The following USP20 variants were observed in gnomAD, a reference collection of about 807,000 sequenced individuals.
USP20 encodes the protein ubiquitin specific peptidase 20.
USP20 carries 80 observed loss-of-function variants against 124.2 expected under a neutral mutation model. That is an observed-to-expected ratio of 0.64 (90% CI 0.54 to 0.78). The LOEUF (loss-of-function observed/expected upper bound fraction) is 0.78, where lower values mean the gene tolerates loss of function less well. Among genes scored for constraint, USP20 ranks in the 30% least tolerant of loss-of-function variants. USP20 has a pLI of 0.00. For synonymous variants in USP20, 481 were observed against 512.3 expected (o/e 0.94, Z 0.83); for missense variants, 1,043 against 1,244.4 (o/e 0.84, Z 2.44).
intron 10 of USP20, among the ~76,000 whole-genome samples, chr9:129,867,500 G>T (rs185275989): frequency 1.7e-3 from 261 of 152,272 alleles, no homozygotes; most frequent in Middle Eastern, 6.8e-3. Context: ...CAGAGGAAGG[G>T]TAGAGCATGC....
chr9:129,862,422 A>T (rs2033595058), intron 8 of USP20, among the ~76,000 whole-genome samples: 1 of 152,114 alleles, frequency 6.6e-6, no homozygotes, highest in Admixed American at 6.5e-5. Flanking sequence ...ACGTGGTGGC[A>T]CGCACCTGTA....
intron 12 of USP20, 129 bp from the exon 13 acceptor site, chr9:129,869,181 G>A: frequency 2.3e-6 from 3 of 1,316,070 alleles, no homozygotes; most frequent in Admixed American, 3.9e-5. Context: ...GGCATGAGAT[G>A]GTGAATTGCT....
chr9:129,856,557 T>C (rs2033228809), intron 4 of USP20, among the ~76,000 whole-genome samples, 197 bp downstream of exon 4: 1 of 152,214 alleles, frequency 6.6e-6, no homozygotes, highest in Admixed American at 6.5e-5. Context: ...CTGGCAGCAA[T>C]TAAAAATGAC....
chr9:129,868,097 G>A lies in USP20; in HGVS notation c.783G>A (p.Arg261=). Residue 261 remains arginine (R), a synonymous_variant, in exon 11 of 26, where the codon CGG becomes CGA. Coordinates refer to ENST00000372429, the MANE Select transcript of USP20 (RefSeq NM_001110303.4). ...VVATVALTEA[R]DSDSSDTDEK... is the part of the protein sequence containing the mutation. ...CCACGGTGGCGCTGACGGAGGCTCG[G>A]GACTCAGATTCGAGTGACACGGATG... is the stretch of plus-strand genomic sequence containing the variant. The A allele has an allele frequency of 6.2e-7, 1 of 1,614,124 alleles. No individual in the cohort carries two copies. Among genetic ancestry groups the A allele is most frequent in the African/African-American group, 1.3e-5 (1 of 75,030 alleles).
In USP20 at chr9:129,839,509, C is replaced by CT. The variant is rs1267361614; in HGVS notation, c.-129+4011dup. On this transcript the variant is annotated intron_variant, in intron 1 of 25. Coordinates refer to ENST00000372429, the MANE Select transcript of USP20 (RefSeq NM_001110303.4). This position sits in a 1 kb window ranked among gnomAD's most constrained non-coding sequence, Gnocchi z 4.5. ...GGGTTAAGGGAAGGGGTGGGTGTGTCTGGGACTTAGGGAGAATGCTGTTGT... is the reference window on the plus strand; with the variant it reads ...GGGTTAAGGGAAGGGGTGGGTGTGTCTTGGGACTTAGGGAGAATGCTGTTGT... Among the ~76,000 whole-genome samples, 1 of 151,712 alleles carries CT rather than the reference C, an allele frequency of 6.6e-6. No homozygotes were observed. The highest frequency in any genetic ancestry group is 1.5e-5 in the Non-Finnish European group (1 of 67,972).
chr9:129,856,499 G>T (rs1588258919), intron 4 of USP20, 139 bp downstream of exon 4: 4 of 920,786 alleles, frequency 4.3e-6, no homozygotes, highest in Middle Eastern at 2.2e-4. Flanking sequence ...TTGGGCTGGG[G>T]CACAGGGGCA....
chr9:129,868,970 T>C lies in USP20; in HGVS notation c.1244T>C (p.Val415Ala). ...AGCAGCCCCCCTCGTGCAAGCCCCGTGAGGATGGCACCGTCGTACGTGCTC... is the reference window on the plus strand; with the variant it reads ...AGCAGCCCCCCTCGTGCAAGCCCCGCGAGGATGGCACCGTCGTACGTGCTC... Reference protein sequence around the residue: ...LSSSPPRASPVRMAPSYVLKK... With the variant: ...LSSSPPRASPARMAPSYVLKK... Residue 415 changes from valine (V) to alanine (A), a missense_variant, in exon 12 of 26, where the codon GTG (valine) becomes GCG (alanine). Transcript: ENST00000372429. 1 of 1,612,038 alleles carries C rather than the reference T, an allele frequency of 6.2e-7. No individual in the cohort carries two copies.
chr9:129,875,297 C>T lies in USP20; in HGVS notation c.2049-13C>T. On this transcript the variant is annotated splice_polypyrimidine_tract_variant and intron_variant, in intron 19 of 25. Transcript: ENST00000372429. Reference sequence around the variant, plus strand: ...CGTCAGGCACAGCTTCTCGCCCCCTCCTCACCCCACAGGAAGAGCAGCGAG... The same window carrying T: ...CGTCAGGCACAGCTTCTCGCCCCCTTCTCACCCCACAGGAAGAGCAGCGAG... The T allele has an allele frequency of 2.5e-6, 4 of 1,594,852 alleles. No individual in the cohort carries two copies. The South Asian group carries it at 3.4e-5, about 13-fold the overall frequency.
At position 129,874,597 on chromosome 9, in the gene USP20, C is replaced by T. The variant is rs775161417; in HGVS notation, c.1762C>T (p.Arg588Cys). ...GCAGATCCTGTGCATTCACCTAAAG[C>T]GCTTTCGGCACGAGGTGATGTACTC... ...LPEILCIHLK[R>C]FRHEVMYSFK... is the part of the protein sequence containing the mutation. The change falls in exon 18 of 26, where the codon CGC becomes TGC. Residue 588 changes from arginine to cysteine, a missense_variant. Coordinates refer to ENST00000372429, the MANE Select transcript of USP20 (RefSeq NM_001110303.4). 5.6e-6 allele frequency: 9 copies of T among 1,613,632 alleles called. No individual in the cohort carries two copies. Among genetic ancestry groups the T allele is most frequent in the South Asian group, 2.2e-5 (2 of 91,088 alleles).
chr9:129,860,021 ACT>A (rs1453706453), intron 6 of USP20, among the ~76,000 whole-genome samples: 2 of 148,314 alleles, frequency 1.3e-5, no homozygotes, highest in East Asian at 2.0e-4. Context: ...GACGAGCAAG[ACT>A]CTATCTCTTA....
rs886726799 is a variant in USP20 at position 129,861,133 on chromosome 9, A to G, written c.427+100A>G. On this transcript the variant is annotated intron_variant, in intron 7 of 25. Coordinates refer to ENST00000372429, the MANE Select transcript of USP20 (RefSeq NM_001110303.4). Reference sequence around the variant, plus strand: ...GTCTTGGTCTCTATTTGCACCTGCTATATGGGCAAGGAAGGATGGGGTGAC... The same window carrying G: ...GTCTTGGTCTCTATTTGCACCTGCTGTATGGGCAAGGAAGGATGGGGTGAC... 8 of 1,114,708 alleles carry G rather than the reference A, an allele frequency of 7.2e-6. No individual in the cohort carries two copies. In the Admixed American group the frequency reaches 1.5e-4, roughly 21 times the overall value. The allele number at this position is 1,114,708 out of a possible 1,614,324, so 69.1% of individuals were successfully genotyped here.
chr9:129,842,779 G>T (rs1012364030), intron 1 of USP20, among the ~76,000 whole-genome samples: 4 of 151,860 alleles, frequency 2.6e-5, no homozygotes, highest in Non-Finnish European at 5.9e-5. Flanking sequence ...ATTTTTAGTA[G>T]AGATGGGATT....
Position 129,868,873 on chromosome 9 carries a change from G to T in USP20, c.1147G>T (p.Asp383Tyr). The T allele has an allele frequency of 6.3e-7, 1 of 1,574,806 alleles. No individual in the cohort carries two copies. Among genetic ancestry groups the T allele is most frequent in the East Asian group, 2.3e-5 (1 of 43,970 alleles). The part of the protein sequence containing the change: ...SPCRTPEPDN[D>Y]AHLRSSSRPC... ...CTCTCTGCCCCCAGAGCCGGACAAT[G>T]ATGCTCACCTACGCAGCTCCTCTCG... is the stretch of plus-strand genomic sequence containing the variant. Residue 383 changes from aspartate to tyrosine, a missense_variant, in exon 12 of 26, where the codon GAT becomes TAT. By Grantham distance (160) the Asp-to-Tyr change is radical (BLOSUM62 -3). Coordinates refer to ENST00000372429, the MANE Select transcript of USP20 (RefSeq NM_001110303.4).
At chr9:129,838,066 G>A (rs1250957974) in intron 1 of USP20, among the ~76,000 whole-genome samples, 3 of 150,430 alleles carry the variant, frequency 2.0e-5, no homozygotes, top group Non-Finnish European at 4.4e-5. Flanking sequence ...TTTTGAGACG[G>A]AGTCTCACTC....
chr9:129,873,593 GC>G, intron 16 of USP20, 78 bp downstream of exon 16: 1 of 1,612,848 alleles, frequency 6.2e-7, no homozygotes, highest in Non-Finnish European at 8.5e-7. Context: ...CCTGCAGAGA[GC>G]CCCCTATAAT....
intron 8 of USP20, 44 bp downstream of exon 8, chr9:129,861,656 A>C: frequency 6.3e-7 from 1 of 1,594,988 alleles, no homozygotes; most frequent in Non-Finnish European, 8.6e-7. Flanking sequence ...GTCCCTGGCA[A>C]AGCCCCGGAA....
At chr9:129,856,128 T>A (rs1372379073) in intron 3 of USP20, among the ~76,000 whole-genome samples, 179 bp from the exon 4 acceptor site, 1 of 152,244 alleles carries the variant, frequency 6.6e-6, no homozygotes, top group Non-Finnish European at 1.5e-5. Flanking sequence ...AGTGCTCCCC[T>A]GGGAGCCTAA....
chr9:129,870,437 C>T lies in USP20; in HGVS notation c.1566-16C>T, dbSNP rs1554749894. ...CAGGCCCTGGCAGCACCCCTGCACT[C>T]CTTTTCTGTCTGTAGGTTTGTGGTA... On this transcript the variant is annotated splice_polypyrimidine_tract_variant and intron_variant, in intron 14 of 25. Coordinates refer to ENST00000372429, the MANE Select transcript of USP20 (RefSeq NM_001110303.4). The T allele has an allele frequency of 6.2e-7, 1 of 1,613,480 alleles. No individual in the cohort carries two copies. Among genetic ancestry groups the T allele is most frequent in the East Asian group, 2.2e-5 (1 of 44,878 alleles).
Position 129,875,635 on chromosome 9 carries a change from A to T in USP20, c.2294A>T (p.Tyr765Phe). ...CCCCAGAACGTCTGGGAGCACCTGT[A>T]CAACAGGTGAGAGCCTGGGAGGCCA... Reference protein sequence around the residue: ...ILPQNVWEHLYNRFGGGPAVN... With the variant: ...ILPQNVWEHLFNRFGGGPAVN... Residue 765 changes from tyrosine (Y) to phenylalanine (F), a missense_variant, in exon 21 of 26, where the codon TAC becomes TTC. Physicochemically the swap from Tyr to Phe is conservative, Grantham distance 22 (BLOSUM62 3). Coordinates refer to ENST00000372429, the MANE Select transcript of USP20 (RefSeq NM_001110303.4). 6.2e-7 allele frequency: 1 copy of T among 1,613,874 alleles called. No individual in the cohort carries two copies. The highest frequency in any genetic ancestry group is 1.7e-5 in the Admixed American group (1 of 60,014).
Sources: gnomAD v4.1 joint callset for allele counts (sites outside exome capture counted in the v4.1 genomes callset) on GRCh38, gnomAD v4.1.1 for gene constraint, Gnocchi (gnomAD v3.1) non-coding constraint, MANE v1.5 for transcripts, NCBI Gene and HGNC (gene_info 2026-07-23, HGNC 2026-07-21) for gene names.